Variants in ETS2 observed in about 807,000 individuals in gnomAD.
ETS2 encodes the protein ETS proto-oncogene 2, transcription factor.
ETS2 carries 19 observed loss-of-function variants against 54.9 expected under a neutral mutation model. The observed-to-expected ratio is 0.35, with a 90% CI of 0.24 to 0.51. The LOEUF is 0.51. Ranked by LOEUF, ETS2 falls within the 20% of genes least tolerant of loss-of-function variation. The probability of loss-of-function intolerance (pLI) is 0.97; values close to 1 mark genes in which losing one functional copy is unlikely to be tolerated. For missense variants in ETS2, 417 were observed against 593.0 expected, an observed-to-expected ratio of 0.70 and a Z score of 3.08; for synonymous variants, 219 against 229.3, an observed-to-expected ratio of 0.95 and a Z score of 0.41.
intron 2 of ETS2, among the ~76,000 whole-genome samples, chr21:38,810,384 C>T (rs1352485018): frequency 1.3e-5 from 2 of 152,184 alleles, no homozygotes; most frequent in Admixed American, 1.3e-4. Flanking sequence ...AATCCTATAA[C>T]TCCCAATAAA....
chr21:38,819,705 G>A lies in ETS2; in HGVS notation c.1014G>A (p.Arg338=), dbSNP rs370954769. 5 of 1,613,900 alleles carry A rather than the reference G, an allele frequency of 3.1e-6. No individual in the cohort carries two copies. Among genetic ancestry groups the A allele is most frequent in the Non-Finnish European group, 4.2e-6 (5 of 1,179,960 alleles). Residue 338 remains arginine (R), a synonymous_variant, in exon 8 of 10, where the codon AGG becomes AGA. Transcript: ENST00000360938. ...CTTTCAAGGATTACATCCAAGAGAGGAGTGACCCAGTGGAGCAAGGCAAAC... is the reference window on the plus strand; with the variant it reads ...CTTTCAAGGATTACATCCAAGAGAGAAGTGACCCAGTGGAGCAAGGCAAAC... ...TMSFKDYIQE[R]SDPVEQGKPV...
In ETS2 at chr21:38,821,526, G is replaced by A; in HGVS notation, c.1076-60G>A. 1 of 1,190,260 alleles carries A rather than the reference G, an allele frequency of 8.4e-7. No homozygotes were observed. The highest frequency in any genetic ancestry group is 1.9e-4 in the Middle Eastern group (1 of 5,268). The allele number at this position is 1,190,260 out of a possible 1,614,324, so 73.7% of individuals were successfully genotyped here. A position where few individuals can be genotyped will look rare whatever the true frequency, so the allele number is the denominator to read the frequency against. On this transcript the variant is annotated intron_variant, in intron 8 of 9. Transcript: ENST00000360938. This position sits in a 1 kb window ranked among gnomAD's most constrained non-coding sequence, Gnocchi z 4.2. ...AGCATGTACAATTAGGATGGTTAAA[G>A]ACTTGCTGTATTTTACATCTGTGAA... is the stretch of plus-strand genomic sequence containing the variant.
intron 6 of ETS2, 97 bp downstream of exon 6, chr21:38,817,188 C>A: frequency 1.3e-6 from 1 of 752,504 alleles, no homozygotes; most frequent in Non-Finnish European, 2.3e-6. Context: ...GCCACCTAGA[C>A]CTGTGTGTCT....
In ETS2 at chr21:38,824,897, T is replaced by C. The variant is rs1427148046; in HGVS notation, c.*2008T>C. On this transcript the variant is annotated 3_prime_UTR_variant, in exon 10 of 10. Transcript: ENST00000360938. ...CATGGTAATAAACAGATCTTAAGTA[T>C]AAAAATTTTGTAATTGGGCCTTTAC... The C allele has an allele frequency of 6.6e-6, 1 of 152,608 alleles. No individual in the cohort carries two copies. Among genetic ancestry groups the C allele is most frequent in the Non-Finnish European group, 1.5e-5 (1 of 68,028 alleles). 9.5% of individuals were successfully genotyped at this position (152,608 alleles called of 1,614,324 possible).
Position 38,813,051 on chromosome 21 carries a change from CCTT to C in ETS2, c.124_126del (p.Ser42del), listed in dbSNP as rs758563778. On this transcript the variant is annotated inframe_deletion, in exon 3 of 10. Coordinates refer to ENST00000360938, the MANE Select transcript of ETS2 (RefSeq NM_005239.6). ...TGATGGGTCCCTGTTTGCTGTTTTT[CCTT>C]CTCTAAATGAAGAGCAAACACTGCA... 2 of 1,614,148 alleles carry C rather than the reference CCTT, an allele frequency of 1.2e-6. No homozygotes were observed. The highest frequency in any genetic ancestry group is 1.7e-6 in the Non-Finnish European group (2 of 1,179,988).
chr21:38,822,464 G>A (rs1429287897), intron 9 of ETS2, among the ~76,000 whole-genome samples: 1 of 152,162 alleles, frequency 6.6e-6, no homozygotes, highest in Non-Finnish European at 1.5e-5. Context: ...TCATTCCCCA[G>A]TGGTTCTGCC....
chr21:38,809,860 G>A, intron 1 of ETS2, 175 bp from the exon 2 acceptor site: 1 of 542,730 alleles, frequency 1.8e-6, no homozygotes, highest in Admixed American at 4.2e-5. Flanking sequence ...ACTGAGAAAT[G>A]CTTTCCTCTT....
At chr21:38,807,417 C>CTTTTTTT (rs369913456) in intron 1 of ETS2, among the ~76,000 whole-genome samples, 4 of 133,360 alleles carry the variant, frequency 3.0e-5, no homozygotes, top group Non-Finnish European at 3.1e-5. Context: ...GCTCTTTATC[C>CTTTTTTT]TTTTTTTTTT....
Position 38,819,653 on chromosome 21 carries a change from C to G in ETS2, c.962C>G (p.Ser321Cys). ...FESFEDDCSQ[S>C]LCLNKPTMSF... Reference sequence around the variant, plus strand: ...AGCTTCGAAGATGACTGCAGCCAGTCTCTCTGCCTCAATAAGCCAACCATG... The same window carrying G: ...AGCTTCGAAGATGACTGCAGCCAGTGTCTCTGCCTCAATAAGCCAACCATG... Residue 321 changes from serine (S) to cysteine (C), a missense_variant, in exon 8 of 10, where the codon TCT becomes TGT. By Grantham distance (112) the Ser-to-Cys change is moderately radical (BLOSUM62 -1). Around this residue, in one of 3 missense-constraint regions of ETS2, gnomAD observed 326 missense variants for 426.1 expected, o/e 0.76. Coordinates refer to ENST00000360938, the MANE Select transcript of ETS2 (RefSeq NM_005239.6). The G allele has an allele frequency of 1.2e-6, 2 of 1,614,204 alleles. No homozygotes were observed. Among genetic ancestry groups the G allele is most frequent in the Non-Finnish European group, 1.7e-6 (2 of 1,180,042 alleles).
intron 6 of ETS2, 116 bp downstream of exon 6, chr21:38,817,207 G>A (rs1247693792): frequency 1.5e-6 from 1 of 646,210 alleles, no homozygotes; most frequent in African/African-American, 1.8e-5. Flanking sequence ...CTCTTATGGT[G>A]GCCACACGTG....
chr21:38,814,419 C>G lies in ETS2; in HGVS notation c.304+27C>G. 6.2e-7 allele frequency: 1 copy of G among 1,612,624 alleles called. No individual in the cohort carries two copies. On this transcript the variant is annotated intron_variant, in intron 4 of 9. Coordinates refer to ENST00000360938, the MANE Select transcript of ETS2 (RefSeq NM_005239.6). This position sits in a 1 kb window ranked among gnomAD's most constrained non-coding sequence, Gnocchi z 4.2. ...TAAGTACTGCTTTCCTGAGCCTGCA[C>G]TGGGTGAGAAGAACCAACTTCAGTG...
chr21:38,815,815 C>G (rs76540824), intron 5 of ETS2, among the ~76,000 whole-genome samples: 1 of 150,470 alleles, frequency 6.6e-6, no homozygotes, highest in Non-Finnish European at 1.5e-5. Context: ...TGGCACATGC[C>G]TGTAATCCCA....
rs2060923966 is a variant in ETS2 at position 38,814,217 on chromosome 21, C to T, written c.185-56C>T. 1.3e-6 allele frequency: 2 copies of T among 1,576,924 alleles called. No individual in the cohort carries two copies. The highest frequency in any genetic ancestry group is 2.2e-5 in the East Asian group (1 of 44,512). On this transcript the variant is annotated intron_variant, in intron 3 of 9. Transcript: ENST00000360938. The surrounding 1 kb of genome is among the most constrained non-coding windows in gnomAD (Gnocchi z 4.2). ...AAACTAAGATGTCTCTCCTAAATCT[C>T]CACCTGATATCACCAACTTGAAGTC...
chr21:38,820,386 A>G (rs1338671678), intron 8 of ETS2, among the ~76,000 whole-genome samples: 1 of 152,204 alleles, frequency 6.6e-6, no homozygotes, highest in African/African-American at 2.4e-5. Flanking sequence ...ACTTAAAAAA[A>G]TCTGATAAGT....
Position 38,814,173 on chromosome 21 carries a change from C to A in ETS2, c.185-100C>A, listed in dbSNP as rs1034735829. The stretch of plus-strand genomic sequence containing the variant: ...AAGGAATCATGCCAAGGTTTGAGAT[C>A]AAAATTGTTCTTTTCCAAAAACTAA... On this transcript the variant is annotated intron_variant, in intron 3 of 9. Coordinates refer to ENST00000360938, the MANE Select transcript of ETS2 (RefSeq NM_005239.6). This position sits in a 1 kb window ranked among gnomAD's most constrained non-coding sequence, Gnocchi z 4.2. The A allele has an allele frequency of 1.2e-5, 15 of 1,259,382 alleles. No individual in the cohort carries two copies. The African/African-American group carries it at 2.0e-4, about 16-fold the overall frequency. 78.0% of individuals were successfully genotyped at this position (1,259,382 alleles called of 1,614,324 possible). A position where few individuals can be genotyped will look rare whatever the true frequency, so the allele number is the denominator to read the frequency against.
chr21:38,806,112 A>C lies in ETS2; in HGVS notation c.-9A>C, dbSNP rs2060891604. 1 of 1,055,168 alleles carries C rather than the reference A, an allele frequency of 9.5e-7. No homozygotes were observed. Among genetic ancestry groups the C allele is most frequent in the African/African-American group, 1.7e-5 (1 of 57,224 alleles). 65.4% of individuals were successfully genotyped at this position (1,055,168 alleles called of 1,614,324 possible). A position where few individuals can be genotyped will look rare whatever the true frequency, so the allele number is the denominator to read the frequency against. On this transcript the variant is annotated 5_prime_UTR_variant, in exon 1 of 10. Coordinates refer to ENST00000360938, the MANE Select transcript of ETS2 (RefSeq NM_005239.6). This position sits in a 1 kb window ranked among gnomAD's most constrained non-coding sequence, Gnocchi z 4.3. The stretch of plus-strand genomic sequence containing the variant: ...CCGACCAAGCGCCGGCCCTGCCCGC[A>C]GCGGCAGGGTAAGAGCTGGGCCCGC...
Position 38,814,768 on chromosome 21 carries a change from T to C in ETS2, c.305-13T>C, listed in dbSNP as rs2060926371. ...TTACCTCATGTGTTCCATTTTTTCT[T>C]CTCTCCTGGTAGACCCCTGGCTGTG... On this transcript the variant is annotated splice_polypyrimidine_tract_variant and intron_variant, in intron 4 of 9. Transcript: ENST00000360938. The surrounding 1 kb of genome is among the most constrained non-coding windows in gnomAD (Gnocchi z 4.2). 1.2e-6 allele frequency: 2 copies of C among 1,612,218 alleles called. No individual in the cohort carries two copies. Among genetic ancestry groups the C allele is most frequent in the East Asian group, 2.2e-5 (1 of 44,842 alleles).
intron 2 of ETS2, among the ~76,000 whole-genome samples, chr21:38,811,337 C>T (rs1010902245): frequency 3.9e-5 from 6 of 152,194 alleles, no homozygotes; most frequent in Admixed American, 1.3e-4. Flanking sequence ...TTTGCACTTG[C>T]CTGATTGATC....
In ETS2 at chr21:38,823,597, G is replaced by A. The variant is rs1338921175; in HGVS notation, c.*708G>A. Reference sequence around the variant, plus strand: ...GACTTACAGGGATAAGGCCTGTGGGGGGTAATCCCTGCTTTTTGTGTTTTT... The same window carrying A: ...GACTTACAGGGATAAGGCCTGTGGGAGGTAATCCCTGCTTTTTGTGTTTTT... On this transcript the variant is annotated 3_prime_UTR_variant, in exon 10 of 10. Transcript: ENST00000360938. 6.6e-6 allele frequency: 1 copy of A among 150,518 alleles called. No individual in the cohort carries two copies. The highest frequency in any genetic ancestry group is 1.5e-5 in the Non-Finnish European group (1 of 67,568). 9.3% of individuals were successfully genotyped at this position (150,518 alleles called of 1,614,324 possible).
Sources: gnomAD v4.1 joint callset for allele counts (sites outside exome capture counted in the v4.1 genomes callset) on GRCh38, gnomAD v4.1.1 for gene constraint, gnomAD v4.1.1 regional missense constraint, Gnocchi (gnomAD v3.1) non-coding constraint, MANE v1.5 for transcripts, NCBI Gene and HGNC (gene_info 2026-07-23, HGNC 2026-07-21) for gene names.